DCC: variants seen among roughly 807,000 people sequenced by gnomAD.
The protein encoded by DCC is netrin receptor DCC.
Under a neutral mutation model 172.5 loss-of-function variants are expected in DCC, and 58 were observed. The observed-to-expected ratio is 0.34, with a 90% CI of 0.27 to 0.42. The LOEUF is 0.42. Ranked by LOEUF, DCC falls within the 10% of genes least tolerant of loss-of-function variation. The pLI, the probability that DCC is intolerant of heterozygous loss-of-function variation, is 1.00. For synonymous variants in DCC, 709 were observed against 644.5 expected, an observed-to-expected ratio of 1.10 and a Z score of -1.52; for missense variants, 1,740 against 1,791.0, an observed-to-expected ratio of 0.97 and a Z score of 0.51.
At chr18:52,843,739 G>A (rs1223783171) in intron 2 of DCC, among the ~76,000 whole-genome samples, 1 of 152,050 alleles carries the variant, frequency 6.6e-6, no homozygotes, top group Non-Finnish European at 1.5e-5. Context: ...TTAAACACAT[G>A]CTGGTCATAA....
At chr18:52,847,416 C>A (rs2038911721) in intron 2 of DCC, among the ~76,000 whole-genome samples, 1 of 152,118 alleles carries the variant, frequency 6.6e-6, no homozygotes, top group South Asian at 2.1e-4. Flanking sequence ...TTGAACATCA[C>A]AACACTCAAG....
At chr18:53,128,657 A>AT (rs898793565) in intron 7 of DCC, among the ~76,000 whole-genome samples, 1 of 151,816 alleles carries the variant, frequency 6.6e-6, no homozygotes, top group African/African-American at 2.4e-5. Context: ...TATTAAGCAT[A>AT]TTTTTAGAAT....
intron 12 of DCC, among the ~76,000 whole-genome samples, chr18:53,244,048 T>C (rs533486035): frequency 6.6e-6 from 1 of 152,266 alleles, no homozygotes; most frequent in African/African-American, 2.4e-5. Flanking sequence ...CACAGTTTTG[T>C]ATCATTAGAT....
intron 7 of DCC, among the ~76,000 whole-genome samples, chr18:53,110,124 C>G (rs1465850532): frequency 1.3e-5 from 2 of 151,504 alleles, no homozygotes; most frequent in African/African-American, 4.8e-5. Context: ...GAAGAGATGT[C>G]CACTTGCTCT....
At chr18:52,461,423 A>G (rs1189274322) in intron 1 of DCC, among the ~76,000 whole-genome samples, 2 of 152,242 alleles carry the variant, frequency 1.3e-5, no homozygotes, top group Non-Finnish European at 2.9e-5. Flanking sequence ...AAATAATGAC[A>G]AAAGGTATAA....
intron 11 of DCC, among the ~76,000 whole-genome samples, chr18:53,210,926 A>T (rs1369235109): frequency 6.6e-6 from 1 of 152,016 alleles, no homozygotes; most frequent in Non-Finnish European, 1.5e-5. Context: ...TCCTCCACCT[A>T]GAAAACCACT....
intron 19 of DCC, among the ~76,000 whole-genome samples, chr18:53,403,752 C>T (rs1368424203): frequency 6.6e-6 from 1 of 151,992 alleles, no homozygotes; most frequent in Non-Finnish European, 1.5e-5. Context: ...TATAAATTAA[C>T]AAAGTAATTC....
Position 52,871,289 on chromosome 18 carries a change from A to G in DCC, c.413-34755A>G, listed in dbSNP as rs192028642. On this transcript the variant is annotated intron_variant, in intron 2 of 28. Transcript: ENST00000442544. Reference sequence around the variant, plus strand: ...CCACTTGGTCACCAGTCAACCTCTCAGTGACATAAAATAAGATGAGAAAGA... The same window carrying G: ...CCACTTGGTCACCAGTCAACCTCTCGGTGACATAAAATAAGATGAGAAAGA... Among the ~76,000 whole-genome samples the G allele has an allele frequency of 2.9e-3, 434 of 152,100 alleles. 1 individual carries two copies. The highest frequency in any genetic ancestry group is 5.5e-3 in the Non-Finnish European group (372 of 67,986).
chr18:53,264,028 A>G (rs2056637297), intron 12 of DCC, among the ~76,000 whole-genome samples: 1 of 152,198 alleles, frequency 6.6e-6, no homozygotes, highest in Non-Finnish European at 1.5e-5. Context: ...ATATATTAGG[A>G]AAATTCTTTG....
At chr18:52,631,529 A>G (rs138092887) in intron 1 of DCC, among the ~76,000 whole-genome samples, 1,900 of 152,280 alleles carry the variant, frequency 0.012, 19 homozygotes, top group Admixed American at 0.022. Flanking sequence ...ACTGGGGGGA[A>G]AATGCTAATC....
intron 7 of DCC, among the ~76,000 whole-genome samples, chr18:53,113,142 T>C (rs1172052859): frequency 6.6e-6 from 1 of 151,416 alleles, no homozygotes; most frequent in Non-Finnish European, 1.5e-5. Context: ...AACACATCCA[T>C]GAATGCTTAT....
chr18:53,079,800 G>C lies in DCC; in HGVS notation c.1261+13634G>C, dbSNP rs111288178. Reference sequence around the variant, plus strand: ...TGCCAAGAAGGGCAAAGAAATTGCTGGTAGAAGAAACATTACATACAACAC... The same window carrying C: ...TGCCAAGAAGGGCAAAGAAATTGCTCGTAGAAGAAACATTACATACAACAC... On this transcript the variant is annotated intron_variant, in intron 7 of 28. Coordinates refer to ENST00000442544, the MANE Select transcript of DCC (RefSeq NM_005215.4). Among the ~76,000 whole-genome samples, 1,384 of 152,206 alleles carry C rather than the reference G, an allele frequency of 9.1e-3. 24 individuals are homozygous for C. The highest frequency in any genetic ancestry group is 0.031 in the African/African-American group (1,297 of 41,532).
intron 21 of DCC, among the ~76,000 whole-genome samples, chr18:53,429,852 T>A (rs1911497770): frequency 6.6e-6 from 1 of 152,158 alleles, no homozygotes; most frequent in Admixed American, 6.6e-5. Context: ...GAAAACAATG[T>A]GTTGAACCTT....
intron 7 of DCC, among the ~76,000 whole-genome samples, chr18:53,134,584 T>C (rs1274904710): frequency 1.3e-5 from 2 of 152,166 alleles, no homozygotes; most frequent in African/African-American, 2.4e-5. Context: ...TGTACAAATA[T>C]AGCTTTTACC....
At chr18:53,047,235 G>GATATATAT (rs70944616) in intron 5 of DCC, among the ~76,000 whole-genome samples, 5 of 30,278 alleles carry the variant, frequency 1.7e-4, no homozygotes, top group Non-Finnish European at 2.9e-4. Flanking sequence ...CTGCAGGTAG[G>GATATATAT]ATATATATAT....
intron 19 of DCC, among the ~76,000 whole-genome samples, chr18:53,405,478 C>A (rs536453805): frequency 6.6e-6 from 1 of 152,202 alleles, no homozygotes; most frequent in African/African-American, 2.4e-5. Context: ...GAGAAAAGCC[C>A]CTGATACCCA....
chr18:52,938,826 A>G (rs971657165), intron 5 of DCC, among the ~76,000 whole-genome samples: 5 of 152,064 alleles, frequency 3.3e-5, no homozygotes, highest in Non-Finnish European at 5.9e-5. Context: ...TATATTTCAA[A>G]TCTGTCCACT....
intron 1 of DCC, among the ~76,000 whole-genome samples, chr18:52,370,371 T>C (rs989188946): frequency 2.0e-5 from 3 of 152,138 alleles, no homozygotes; most frequent in African/African-American, 7.2e-5. Flanking sequence ...ATGTGGTACA[T>C]ATACACCATG....
At chr18:53,438,449 C>T (rs1912081342) in intron 22 of DCC, among the ~76,000 whole-genome samples, 1 of 152,134 alleles carries the variant, frequency 6.6e-6, no homozygotes, top group Admixed American at 6.5e-5. Context: ...GGCCAAGTAA[C>T]ATTTAAATTA....
Sources: gnomAD v4.1 joint callset for allele counts (sites outside exome capture counted in the v4.1 genomes callset) on GRCh38, gnomAD v4.1.1 for gene constraint, MANE v1.5 for transcripts, NCBI Gene and HGNC (gene_info 2026-07-23, HGNC 2026-07-21) for gene names.